Variants in ZNF469 observed in about 807,000 individuals in gnomAD.
The protein encoded by ZNF469 is zinc finger protein 469.
Under a neutral mutation model 1.0 loss-of-function variants are expected in ZNF469, and 1 was observed. The observed-to-expected ratio is 1.00, with a 90% CI of 0.35 to 4.73. ZNF469 has a LOEUF of 4.73. ZNF469 is among the 30% of genes most tolerant of loss of function. The probability of loss-of-function intolerance (pLI) is 0.16; values close to 1 mark genes in which losing one functional copy is unlikely to be tolerated. For synonymous variants in ZNF469, 2,703 were observed against 2,363.4 expected (o/e 1.14, Z -4.17); for missense variants, 6,100 against 5,356.3 (o/e 1.14, Z -4.33).
the ZNF469 span, among the ~76,000 whole-genome samples, chr16:88,243,777 G>T: frequency 6.6e-6 from 1 of 151,216 alleles, no homozygotes; most frequent in Admixed American, 6.6e-5. Context: ...ATGGATGCAA[G>T]GATGGATGGA....
chr16:88,185,040 C>T, the ZNF469 span, among the ~76,000 whole-genome samples: 2 of 150,566 alleles, frequency 1.3e-5, no homozygotes. Flanking sequence ...CAGGCACATA[C>T]GTATCCAGAC....
Position 88,434,966 on chromosome 16 carries a change from C to T in ZNF469, c.7496C>T (p.Pro2499Leu), listed in dbSNP as rs1015197481. Residue 2499 changes from proline (P) to leucine (L), a missense_variant, in exon 3 of 3, where the codon CCG (proline) becomes CTG (leucine). Coordinates refer to ENST00000565624, the MANE Select transcript of ZNF469 (RefSeq NM_001367624.2). ...RHKARKHRPHPGAPAEPSPAA... is the reference protein window; with the variant it reads ...RHKARKHRPHLGAPAEPSPAA... ...AAGGCCAGGAAGCACCGGCCACACCCGGGAGCCCCCGCGGAGCCGAGCCCA... is the reference window on the plus strand; with the variant it reads ...AAGGCCAGGAAGCACCGGCCACACCTGGGAGCCCCCGCGGAGCCGAGCCCA... The T allele has an allele frequency of 1.1e-5, 17 of 1,549,784 alleles. No homozygotes were observed. The highest frequency in any genetic ancestry group is 9.6e-5 in the African/African-American group (7 of 73,064).
the ZNF469 span, among the ~76,000 whole-genome samples, chr16:88,244,029 G>A: frequency 7.1e-6 from 1 of 141,226 alleles, no homozygotes. Context: ...TGAGTGCACG[G>A]ATCATCGGTG....
At chr16:88,167,841 C>G in the ZNF469 span, among the ~76,000 whole-genome samples, 1 of 152,226 alleles carries the variant, frequency 6.6e-6, no homozygotes, top group South Asian at 2.1e-4. Flanking sequence ...CAGGACGGAC[C>G]GCTCCTTACA....
the ZNF469 span, among the ~76,000 whole-genome samples, chr16:88,157,218 C>T: frequency 6.6e-6 from 1 of 151,866 alleles, no homozygotes; most frequent in Non-Finnish European, 1.5e-5. Context: ...ACACCCCCAC[C>T]TCACAGGCTC....
At chr16:88,236,286 T>C in the ZNF469 span, among the ~76,000 whole-genome samples, 14 of 152,254 alleles carry the variant, frequency 9.2e-5, no homozygotes, top group Non-Finnish European at 1.5e-5. Context: ...TAAAATTATG[T>C]CAAACACTCT....
chr16:88,125,188 G>A, the ZNF469 span, among the ~76,000 whole-genome samples: 1 of 152,010 alleles, frequency 6.6e-6, no homozygotes. Context: ...CCATTTATGT[G>A]TGGGTCTATT....
the ZNF469 span, chr16:88,193,475 G>A: frequency 6.6e-6 from 1 of 152,262 alleles, no homozygotes; most frequent in Non-Finnish European, 1.5e-5. Flanking sequence ...GAGGCTGGAG[G>A]ATCACTTTAG....
At chr16:88,240,537 A>G in the ZNF469 span, among the ~76,000 whole-genome samples, 3 of 152,274 alleles carry the variant, frequency 2.0e-5, no homozygotes, top group Non-Finnish European at 4.4e-5. Flanking sequence ...GAATGCACTA[A>G]TATGCAGAAC....
At chr16:88,134,386 CAGTG>C in the ZNF469 span, among the ~76,000 whole-genome samples, 1 of 152,212 alleles carries the variant, frequency 6.6e-6, no homozygotes, top group Admixed American at 6.5e-5. Flanking sequence ...GCTGGGGACA[CAGTG>C]AGGAGGACGG....
chr16:88,397,720 G>A (rs918766944), intron 1 of ZNF469, among the ~76,000 whole-genome samples: 2 of 150,606 alleles, frequency 1.3e-5, no homozygotes, highest in African/African-American at 4.9e-5. Context: ...CGAGGAAAGA[G>A]AGAGAGAGAG....
the ZNF469 span, among the ~76,000 whole-genome samples, chr16:88,227,530 ATCTCCCCG>A: frequency 0.044 from 1,525 of 34,432 alleles, 38 homozygotes; most frequent in African/African-American, 0.15. Context: ...CCATCTCCCC[ATCTCCCCG>A]TCTCCCCTTC....
At chr16:88,381,233 C>T (rs555179888), upstream of ZNF469, among the ~76,000 whole-genome samples, 12 of 146,952 alleles carry the variant, frequency 8.2e-5, no homozygotes, top group Admixed American at 1.4e-4. Context: ...CACTCACACA[C>T]GCACTCACAG....
At chr16:88,208,770 C>T in the ZNF469 span, among the ~76,000 whole-genome samples, 1 of 40,302 alleles carries the variant, frequency 2.5e-5, no homozygotes, top group African/African-American at 6.7e-5. Context: ...AGTAAATGCG[C>T]GTGCGCGCGC....
chr16:88,185,938 A>C, the ZNF469 span, among the ~76,000 whole-genome samples: 1 of 150,844 alleles, frequency 6.6e-6, no homozygotes, highest in Non-Finnish European at 1.5e-5. Flanking sequence ...ACACATGTGA[A>C]TATAGTACAT....
the ZNF469 span, among the ~76,000 whole-genome samples, chr16:88,156,466 C>T: frequency 3.9e-5 from 6 of 152,156 alleles, no homozygotes; most frequent in African/African-American, 9.7e-5. Flanking sequence ...CCAGGTGTCC[C>T]GGCACTGTTT....
chr16:88,294,300 C>T, the ZNF469 span, among the ~76,000 whole-genome samples: 1 of 152,328 alleles, frequency 6.6e-6, no homozygotes, highest in Non-Finnish European at 1.5e-5. Flanking sequence ...ATCCTACCTC[C>T]TGCCCTGTGC....
the ZNF469 span, among the ~76,000 whole-genome samples, chr16:88,160,583 C>T: frequency 2.6e-5 from 4 of 152,156 alleles, no homozygotes; most frequent in Non-Finnish European, 5.9e-5. Flanking sequence ...CCAGCCCTTT[C>T]GCTTTTCTCA....
At chr16:88,419,950 G>C (rs1905409260) in intron 1 of ZNF469, among the ~76,000 whole-genome samples, 1 of 152,260 alleles carries the variant, frequency 6.6e-6, no homozygotes, top group Non-Finnish European at 1.5e-5. Context: ...AGGCCGGCCT[G>C]AGGCCACACA....
Sources: gnomAD v4.1 joint callset for allele counts (sites outside exome capture counted in the v4.1 genomes callset) on GRCh38, gnomAD v4.1.1 for gene constraint, MANE v1.5 for transcripts, NCBI Gene and HGNC (gene_info 2026-07-23, HGNC 2026-07-21) for gene names.